The following UBE2E2 variants were observed in gnomAD, a reference collection of about 807,000 sequenced individuals.
UBE2E2 encodes ubiquitin conjugating enzyme E2 E2, also known as ubiquitin-conjugating enzyme E2 E2.
A neutral mutation model predicts 24.7 loss-of-function variants in UBE2E2; 6 were observed. The ratio of observed to expected loss-of-function variants is 0.24; its 90% CI spans 0.13 to 0.48. The LOEUF (loss-of-function observed/expected upper bound fraction) is 0.48. UBE2E2 is among the 20% of genes least tolerant of loss of function. UBE2E2 has a pLI of 0.99. For missense variants in UBE2E2, 169 were observed against 245.0 expected (o/e 0.69, Z 2.07); for synonymous variants, 104 against 83.6 (o/e 1.24, Z -1.33).
chr3:23,275,633 A>G (rs1169283325), intron 3 of UBE2E2, among the ~76,000 whole-genome samples: 1 of 152,214 alleles, frequency 6.6e-6, no homozygotes, highest in Admixed American at 6.5e-5. Context: ...CTATAGTTTC[A>G]GCAGTCTTAT....
chr3:23,585,520 A>T (rs971785481), intron 5 of UBE2E2, among the ~76,000 whole-genome samples: 3 of 152,170 alleles, frequency 2.0e-5, no homozygotes, highest in Non-Finnish European at 4.4e-5. Context: ...AACCTCTAAT[A>T]CATGCCGTAC....
At chr3:23,235,393 G>T (rs924398244) in intron 3 of UBE2E2, among the ~76,000 whole-genome samples, 1 of 152,138 alleles carries the variant, frequency 6.6e-6, no homozygotes, top group African/African-American at 2.4e-5. Flanking sequence ...AAAGCAGATA[G>T]CTCTGATGTT....
At chr3:23,292,262 C>T (rs1431726528) in intron 3 of UBE2E2, among the ~76,000 whole-genome samples, 1 of 152,090 alleles carries the variant, frequency 6.6e-6, no homozygotes, top group Admixed American at 6.5e-5. Flanking sequence ...CAGGCATGAG[C>T]CACCTCATCC....
At chr3:23,232,084 T>C (rs542650874) in intron 3 of UBE2E2, among the ~76,000 whole-genome samples, 2 of 152,330 alleles carry the variant, frequency 1.3e-5, no homozygotes, top group South Asian at 4.2e-4. Context: ...GGCTATGATC[T>C]TAAGCTTCAG....
At chr3:23,519,752 C>T (rs567395044) in intron 4 of UBE2E2, among the ~76,000 whole-genome samples, 1 of 152,300 alleles carries the variant, frequency 6.6e-6, no homozygotes, top group South Asian at 2.1e-4. Flanking sequence ...TCATGGTTCA[C>T]TGCAGCCTCA....
At chr3:23,381,427 T>C (rs1696669452) in intron 3 of UBE2E2, among the ~76,000 whole-genome samples, 1 of 152,060 alleles carries the variant, frequency 6.6e-6, no homozygotes, top group South Asian at 2.1e-4. Flanking sequence ...GTTTATGAAG[T>C]GTCTCAGAAG....
chr3:23,518,632 T>G (rs1694795966), intron 4 of UBE2E2, among the ~76,000 whole-genome samples: 1 of 152,152 alleles, frequency 6.6e-6, no homozygotes, highest in African/African-American at 2.4e-5. Flanking sequence ...CCTTTTCCCC[T>G]CTCCGATATT....
intron 3 of UBE2E2, among the ~76,000 whole-genome samples, chr3:23,319,751 G>T (rs1239406554): frequency 6.8e-6 from 1 of 147,242 alleles, no homozygotes; most frequent in African/African-American, 2.5e-5. Context: ...GGAGGCAGAG[G>T]TTGCAGTGAG....
intron 3 of UBE2E2, among the ~76,000 whole-genome samples, chr3:23,341,497 C>T (rs1156607840): frequency 2.0e-5 from 3 of 152,070 alleles, no homozygotes; most frequent in Non-Finnish European, 4.4e-5. Context: ...TGTGTCTTCA[C>T]CTAGAATCTT....
At chr3:23,345,088 T>C (rs138322814) in intron 3 of UBE2E2, among the ~76,000 whole-genome samples, 57 of 152,322 alleles carry the variant, frequency 3.7e-4, no homozygotes, top group Admixed American at 9.2e-4. Flanking sequence ...GCTGCACTTA[T>C]TTGCACATTT....
At chr3:23,542,241 C>G (rs1394915239) in intron 5 of UBE2E2, among the ~76,000 whole-genome samples, 1 of 152,160 alleles carries the variant, frequency 6.6e-6, no homozygotes, top group Non-Finnish European at 1.5e-5. Flanking sequence ...ATTTTAACTT[C>G]AGCCTTACTA....
chr3:23,446,803 T>G (rs1261731339), intron 3 of UBE2E2, among the ~76,000 whole-genome samples: 1 of 151,746 alleles, frequency 6.6e-6, no homozygotes, highest in Non-Finnish European at 1.5e-5. Flanking sequence ...ATAGTGCTCT[T>G]CTCTGTAGTT....
chr3:23,331,691 G>T (rs991409980), intron 3 of UBE2E2, among the ~76,000 whole-genome samples: 4 of 152,076 alleles, frequency 2.6e-5, no homozygotes, highest in Non-Finnish European at 5.9e-5. Flanking sequence ...TAGAGTGACT[G>T]GAGAGGAGTG....
intron 3 of UBE2E2, among the ~76,000 whole-genome samples, chr3:23,418,687 C>G (rs915112118): frequency 1.3e-5 from 2 of 152,102 alleles, no homozygotes; most frequent in Admixed American, 1.3e-4. Flanking sequence ...AGACTATTTT[C>G]TGGAGATGTT....
chr3:23,548,812 T>C (rs1695578239), intron 5 of UBE2E2, among the ~76,000 whole-genome samples: 1 of 152,184 alleles, frequency 6.6e-6, no homozygotes, highest in African/African-American at 2.4e-5. Context: ...TATTATTATC[T>C]CTATAACCAT....
intron 5 of UBE2E2, among the ~76,000 whole-genome samples, chr3:23,559,126 C>G (rs752701708): frequency 2.6e-5 from 4 of 152,088 alleles, no homozygotes; most frequent in African/African-American, 9.7e-5. Flanking sequence ...TTAAAAATAA[C>G]CAGCTAATGA....
At chr3:23,222,478 C>T (rs1188403509) in intron 3 of UBE2E2, among the ~76,000 whole-genome samples, 1 of 152,124 alleles carries the variant, frequency 6.6e-6, no homozygotes, top group Non-Finnish European at 1.5e-5. Context: ...GGTGGTATCC[C>T]CCATACTGTT....
chr3:23,544,891 A>G (rs895484820), intron 5 of UBE2E2, among the ~76,000 whole-genome samples: 1 of 152,194 alleles, frequency 6.6e-6, no homozygotes, highest in East Asian at 1.9e-4. Flanking sequence ...TCACAAGACA[A>G]TAGTGGGGAG....
chr3:23,271,310 G>A (rs936982247), intron 3 of UBE2E2, among the ~76,000 whole-genome samples: 1 of 152,158 alleles, frequency 6.6e-6, no homozygotes, highest in Non-Finnish European at 1.5e-5. Context: ...TCCTTCTGGT[G>A]GGTTTGTGGT....
Sources: allele counts gnomAD v4.1 joint callset (sites outside exome capture counted in the v4.1 genomes callset), GRCh38; gene constraint gnomAD v4.1.1; transcripts MANE v1.5; gene names NCBI Gene and HGNC (gene_info 2026-07-23, HGNC 2026-07-21).